The following GNAQ variants were observed in gnomAD, a reference collection of about 807,000 sequenced individuals.
The protein encoded by GNAQ is guanine nucleotide-binding protein G(q) subunit alpha.
In GNAQ, 8 loss-of-function variants were observed where a neutral mutation model predicts 43.9. The ratio of observed to expected loss-of-function variants is 0.18; its 90% CI spans 0.11 to 0.33. GNAQ has a LOEUF of 0.33. GNAQ is among the 10% of genes least tolerant of loss of function. The probability of loss-of-function intolerance (pLI) is 1.00; values close to 1 mark genes in which losing one functional copy is unlikely to be tolerated. For synonymous variants in GNAQ, 155 were observed against 170.7 expected (o/e 0.91, Z 0.71); for missense variants, 158 against 450.8 (o/e 0.35, Z 5.88).
At chr9:77,922,457 G>A (rs1344019367) in intron 1 of GNAQ, 112 bp from the exon 2 acceptor site, 7 of 705,970 alleles carry the variant, frequency 9.9e-6, no homozygotes, top group Non-Finnish European at 1.7e-5. Context: ...CCTGCTGAGA[G>A]GAGCGACTCT....
intron 6 of GNAQ, 86 bp from the exon 7 acceptor site, chr9:77,721,599 T>C (rs887440226): frequency 3.7e-6 from 3 of 814,872 alleles, no homozygotes; most frequent in South Asian, 1.6e-5. Context: ...TACTGTGTCA[T>C]TGCTCATGAA....
chr9:77,781,199 CTA>C (rs1826387976), intron 5 of GNAQ, among the ~76,000 whole-genome samples: 1 of 151,932 alleles, frequency 6.6e-6, no homozygotes, highest in Non-Finnish European at 1.5e-5. Flanking sequence ...GATGTTTCCC[CTA>C]TGTTTTCCTC....
At chr9:77,928,155 CT>C (rs1338512920) in intron 1 of GNAQ, among the ~76,000 whole-genome samples, 2 of 152,204 alleles carry the variant, frequency 1.3e-5, no homozygotes, top group Non-Finnish European at 2.9e-5. Context: ...ACATTCCAGG[CT>C]ATATCTACTT....
intron 1 of GNAQ, among the ~76,000 whole-genome samples, chr9:77,977,787 A>G (rs926716364): frequency 6.6e-6 from 1 of 152,126 alleles, no homozygotes; most frequent in African/African-American, 2.4e-5. Context: ...TTCTATCTAA[A>G]TACTTCTGCC....
chr9:77,899,552 C>T (rs77006413), intron 2 of GNAQ, among the ~76,000 whole-genome samples: 1 of 137,330 alleles, frequency 7.3e-6, no homozygotes, highest in Admixed American at 7.0e-5. Flanking sequence ...ATCACATTAA[C>T]AAAAAAAAAA....
intron 5 of GNAQ, among the ~76,000 whole-genome samples, chr9:77,742,331 T>C (rs1332920243): frequency 6.6e-6 from 1 of 152,084 alleles, no homozygotes. Flanking sequence ...AAGGCAAAAA[T>C]GGTATAGAAT....
chr9:77,732,011 C>A (rs1825498158), intron 5 of GNAQ, among the ~76,000 whole-genome samples: 1 of 152,166 alleles, frequency 6.6e-6, no homozygotes, highest in Non-Finnish European at 1.5e-5. Flanking sequence ...TGTTATCAAG[C>A]CCCGGACTAA....
chr9:77,953,879 G>A (rs544319860), intron 1 of GNAQ, among the ~76,000 whole-genome samples: 2 of 152,194 alleles, frequency 1.3e-5, no homozygotes, highest in South Asian at 2.1e-4. Context: ...TGCCAGCACA[G>A]ACAATTTGGC....
intron 1 of GNAQ, among the ~76,000 whole-genome samples, chr9:78,003,316 C>T (rs926712028): frequency 4.6e-5 from 7 of 152,144 alleles, no homozygotes; most frequent in African/African-American, 1.7e-4. Flanking sequence ...TTCTCTTGAG[C>T]CGTATTCTCT....
At chr9:77,922,793 A>G (rs1220088135) in intron 1 of GNAQ, among the ~76,000 whole-genome samples, 1 of 152,158 alleles carries the variant, frequency 6.6e-6, no homozygotes, top group Non-Finnish European at 1.5e-5. Flanking sequence ...TCAGACAGAG[A>G]TAAGAAAAAA....
intron 3 of GNAQ, among the ~76,000 whole-genome samples, chr9:77,812,453 T>A (rs1305424278): frequency 6.6e-6 from 1 of 152,208 alleles, no homozygotes; most frequent in Non-Finnish European, 1.5e-5. Flanking sequence ...ACTTCTAGTT[T>A]AGAGTAAATC....
At chr9:77,733,303 C>T (rs193068147) in intron 5 of GNAQ, among the ~76,000 whole-genome samples, 7 of 152,244 alleles carry the variant, frequency 4.6e-5, no homozygotes, top group Non-Finnish European at 7.4e-5. Flanking sequence ...TCAAGATCTC[C>T]GATATCCTGA....
intron 1 of GNAQ, among the ~76,000 whole-genome samples, chr9:77,990,245 TAG>T (rs1823492126): frequency 6.6e-6 from 1 of 152,232 alleles, no homozygotes; most frequent in Non-Finnish European, 1.5e-5. Flanking sequence ...TTTAATTTTT[TAG>T]AGACATGCTC....
chr9:78,014,560 A>G (rs1398863669), intron 1 of GNAQ, among the ~76,000 whole-genome samples: 1 of 152,026 alleles, frequency 6.6e-6, no homozygotes, highest in Non-Finnish European at 1.5e-5. Context: ...GAGCCGAGAT[A>G]GCGCCACTGC....
rs189794607 is a variant in GNAQ, at chr9:77,957,453, T to C, written c.137-35108A>G. ...TACAGCTCTTGCTTGCCCCTATCCC[T>C]GGAGGCATTCATTACGTAACTTTGC... On this transcript the variant is annotated intron_variant, in intron 1 of 6. Coordinates refer to ENST00000286548, the MANE Select transcript of GNAQ (RefSeq NM_002072.5). Among the ~76,000 whole-genome samples the C allele has an allele frequency of 2.5e-3, 377 of 152,256 alleles. 1 individual carries two copies. Among genetic ancestry groups the C allele is most frequent in the African/African-American group, 8.7e-3 (360 of 41,554 alleles).
chr9:77,940,558 G>A (rs1031246826), intron 1 of GNAQ, among the ~76,000 whole-genome samples: 30 of 152,126 alleles, frequency 2.0e-4, no homozygotes, highest in African/African-American at 6.8e-4. Context: ...CAGCCTGAGC[G>A]ACAGAGACCC....
At chr9:77,875,187 C>T (rs1031030545) in intron 2 of GNAQ, among the ~76,000 whole-genome samples, 1 of 152,150 alleles carries the variant, frequency 6.6e-6, no homozygotes. Flanking sequence ...TAAAGATGGT[C>T]GGCTGGTTAC....
Position 77,717,146 on chromosome 9 carries a change from T to C in GNAQ, c.*4177A>G. On this transcript the variant is annotated 3_prime_UTR_variant, in exon 7 of 7. Coordinates refer to ENST00000286548, the MANE Select transcript of GNAQ (RefSeq NM_002072.5). ...ATTAACGCTACATATGCTGGAAATA[T>C]GTAGAGATAGATAAACATACAATAT... is the stretch of plus-strand genomic sequence containing the variant. The C allele has an allele frequency of 4.3e-6, 1 of 232,396 alleles. No individual in the cohort carries two copies. Among genetic ancestry groups the C allele is most frequent in the East Asian group, 6.1e-5 (1 of 16,378 alleles). 14.4% of individuals were successfully genotyped at this position (232,396 alleles called of 1,614,324 possible). A position where few individuals can be genotyped will look rare whatever the true frequency, so the allele number is the denominator to read the frequency against.
intron 1 of GNAQ, among the ~76,000 whole-genome samples, chr9:77,962,884 C>T (rs893338248): frequency 3.1e-5 from 3 of 97,516 alleles, no homozygotes; most frequent in Non-Finnish European, 5.7e-5. Flanking sequence ...AATAGTGAAA[C>T]TTAGTCTCAA....
Sources: gnomAD v4.1 joint callset for allele counts (sites outside exome capture counted in the v4.1 genomes callset) on GRCh38, gnomAD v4.1.1 for gene constraint, MANE v1.5 for transcripts, NCBI Gene and HGNC (gene_info 2026-07-23, HGNC 2026-07-21) for gene names.